Variants in NPR2 observed in about 807,000 individuals in gnomAD.
The protein encoded by NPR2 is atrial natriuretic peptide receptor 2.
Under a neutral mutation model 120.7 loss-of-function variants are expected in NPR2, and 49 were observed. The observed-to-expected ratio is 0.41, with a 90% CI of 0.32 to 0.52. The LOEUF is 0.52. NPR2 is among the 20% of genes least tolerant of loss of function. The probability of loss-of-function intolerance (pLI) is 0.36; values close to 1 mark genes in which losing one functional copy is unlikely to be tolerated. For synonymous variants in NPR2, 484 were observed against 519.8 expected (o/e 0.93, Z 0.94); for missense variants, 931 against 1,362.9 (o/e 0.68, Z 4.99).
In NPR2 at chr9:35,802,200, C is replaced by T. The variant is rs1385031008; in HGVS notation, c.1633-6C>T. On this transcript the variant is annotated splice_region_variant and splice_polypyrimidine_tract_variant and intron_variant, in intron 9 of 21. Transcript: ENST00000342694. This position sits in a 1 kb window ranked among gnomAD's most constrained non-coding sequence, Gnocchi z 4.2. The stretch of plus-strand genomic sequence containing the variant: ...CTTTCCTTTCCCCTTTCACTCCCAC[C>T]ATCAGGGAAATGTTGTCGCCATCAA... 1 of 1,587,070 alleles carries T rather than the reference C, an allele frequency of 6.3e-7. No individual in the cohort carries two copies. The highest frequency in any genetic ancestry group is 1.7e-5 in the Admixed American group (1 of 59,976).
chr9:35,802,928 C>G lies in NPR2; in HGVS notation c.1887+125C>G. 1.3e-6 allele frequency: 1 copy of G among 753,232 alleles called. No homozygotes were observed. Among genetic ancestry groups the G allele is most frequent in the Non-Finnish European group, 2.4e-6 (1 of 416,394 alleles). The allele number at this position is 753,232 out of a possible 1,614,324, so 46.7% of individuals were successfully genotyped here. ...TCTCATCTCCCCTTATTCCCATGGTCTGGTAATAATGGGTAAACAAGGAGT... is the reference window on the plus strand; with the variant it reads ...TCTCATCTCCCCTTATTCCCATGGTGTGGTAATAATGGGTAAACAAGGAGT... On this transcript the variant is annotated intron_variant, in intron 12 of 21. Transcript: ENST00000342694. This position sits in a 1 kb window ranked among gnomAD's most constrained non-coding sequence, Gnocchi z 4.2.
At chr9:35,793,207 C>G in intron 1 of NPR2, 132 bp downstream of exon 1, 2 of 983,164 alleles carry the variant, frequency 2.0e-6, no homozygotes, top group Non-Finnish European at 1.5e-6. Flanking sequence ...AAGAAGCACA[C>G]GTGGACAGAG....
Position 35,809,311 on chromosome 9 carries a change from A to G in NPR2, c.3078+64A>G. 1 of 1,610,326 alleles carries G rather than the reference A, an allele frequency of 6.2e-7. No individual in the cohort carries two copies. Among genetic ancestry groups the G allele is most frequent in the Admixed American group, 1.7e-5 (1 of 60,018 alleles). On this transcript the variant is annotated intron_variant, in intron 21 of 21. Transcript: ENST00000342694. This position sits in a 1 kb window ranked among gnomAD's most constrained non-coding sequence, Gnocchi z 4.1. Reference sequence around the variant, plus strand: ...GGGTGAAAGTGATTATGGGAATCATAGGGAAAGAGAGGGAGACAAAGGGAC... The same window carrying G: ...GGGTGAAAGTGATTATGGGAATCATGGGGAAAGAGAGGGAGACAAAGGGAC...
chr9:35,809,110 T>C lies in NPR2; in HGVS notation c.2987-46T>C, dbSNP rs1828601118. On this transcript the variant is annotated intron_variant, in intron 20 of 21. Coordinates refer to ENST00000342694, the MANE Select transcript of NPR2 (RefSeq NM_003995.4). This position sits in a 1 kb window ranked among gnomAD's most constrained non-coding sequence, Gnocchi z 4.1. ...TATCACCAATTATTTGATTGCCTTT[T>C]CTTTGATTCCTCATTCCACCATCCT... is the stretch of plus-strand genomic sequence containing the variant. 3 of 1,536,690 alleles carry C rather than the reference T, an allele frequency of 2.0e-6. No homozygotes were observed. The East Asian group carries it at 6.7e-5, about 35-fold the overall frequency.
rs1344938222 is a variant in NPR2, at chr9:35,801,696, A to G, written c.1490A>G (p.Glu497Gly). 3 of 1,614,046 alleles carry G rather than the reference A, an allele frequency of 1.9e-6. No individual in the cohort carries two copies. The highest frequency in any genetic ancestry group is 2.5e-6 in the Non-Finnish European group (3 of 1,179,998). ...AGCATGTTGTGGCGTATTCGCTGGG[A>G]AGAACTGCAGTTTGGCAACTCAGAG... ...LASMLWRIRWEELQFGNSERY... is the reference protein window; with the variant it reads ...LASMLWRIRWGELQFGNSERY... The change falls in exon 8 of 22, where the codon GAA becomes GGA. Residue 497 changes from glutamate to glycine, a missense_variant. By Grantham distance (98) the Glu-to-Gly change is moderately conservative. Transcript: ENST00000342694.
chr9:35,793,935 G>A lies in NPR2; in HGVS notation c.705G>A (p.Glu235=), dbSNP rs1256925211. 1 of 1,614,212 alleles carries A rather than the reference G, an allele frequency of 6.2e-7. No individual in the cohort carries two copies. The change falls in exon 2 of 22, where the codon GAG becomes GAA. Residue 235 remains glutamate (E), a synonymous_variant. Transcript: ENST00000342694. Reference sequence around the variant, plus strand: ...GCGGCCCTCTGGAGATGCTGCATGAGATCCTGCTTCAGGCCCAGAGGGAGA... The same window carrying A: ...GCGGCCCTCTGGAGATGCTGCATGAAATCCTGCTTCAGGCCCAGAGGGAGA... ...YICGPLEMLH[E]ILLQAQRENL... is the part of the protein sequence containing the mutation.
intron 2 of NPR2, among the ~76,000 whole-genome samples, chr9:35,795,380 C>T (rs938077245): frequency 6.6e-6 from 1 of 152,190 alleles, no homozygotes; most frequent in Non-Finnish European, 1.5e-5. Flanking sequence ...AAGTGTTTCC[C>T]GTGTATTTAT....
Position 35,806,282 on chromosome 9 carries a change from T to C in NPR2, c.2372+49T>C. 1 of 1,612,178 alleles carries C rather than the reference T, an allele frequency of 6.2e-7. No individual in the cohort carries two copies. The highest frequency in any genetic ancestry group is 8.5e-7 in the Non-Finnish European group (1 of 1,178,426). ...GGCTTCCCAGGGATAGAAGACTCATTAGTCCTAGTGCATGAAGTGGGGCAG... is the reference window on the plus strand; with the variant it reads ...GGCTTCCCAGGGATAGAAGACTCATCAGTCCTAGTGCATGAAGTGGGGCAG... On this transcript the variant is annotated intron_variant, in intron 15 of 21. Transcript: ENST00000342694. The surrounding 1 kb of genome is among the most constrained non-coding windows in gnomAD (Gnocchi z 4.6).
At position 35,802,775 on chromosome 9, in the gene NPR2, G is replaced by T; in HGVS notation, c.1859G>T (p.Arg620Leu). 1 of 1,612,410 alleles carries T rather than the reference G, an allele frequency of 6.2e-7. No individual in the cohort carries two copies. The highest frequency in any genetic ancestry group is 8.5e-7 in the Non-Finnish European group (1 of 1,178,452). Residue 620 changes from arginine to leucine, a missense_variant, in exon 12 of 22, where the codon CGT becomes CTT. Physicochemically the swap from Arg to Leu is moderately radical, Grantham distance 102. This residue lies in a region of NPR2 where 681 missense variants were observed against 974.3 expected (regional missense o/e 0.70). Transcript: ENST00000342694. The surrounding 1 kb of genome is among the most constrained non-coding windows in gnomAD (Gnocchi z 4.2). Reference sequence around the variant, plus strand: ...AGCATCAACTTGGACTGGATGTTTCGTTATTCACTCATTAATGACCTTGTT... The same window carrying T: ...AGCATCAACTTGGACTGGATGTTTCTTTATTCACTCATTAATGACCTTGTT... ...NDSINLDWMF[R>L]YSLINDLVKG...
intron 2 of NPR2, among the ~76,000 whole-genome samples, chr9:35,798,224 G>A (rs745748836): frequency 2.6e-5 from 4 of 152,190 alleles, no homozygotes; most frequent in Non-Finnish European, 5.9e-5. Flanking sequence ...TGTTGAACCT[G>A]ATCTTTTCTC....
At position 35,802,728 on chromosome 9, in the gene NPR2, C is replaced by T; in HGVS notation, c.1816-4C>T. On this transcript the variant is annotated splice_polypyrimidine_tract_variant and splice_region_variant and intron_variant, in intron 11 of 21. Coordinates refer to ENST00000342694, the MANE Select transcript of NPR2 (RefSeq NM_003995.4). This position sits in a 1 kb window ranked among gnomAD's most constrained non-coding sequence, Gnocchi z 4.2. ...CAGACAGTCTATTCCATGTCACTTA[C>T]CAGGATATTCTAGAAAATGACAGCA... is the stretch of plus-strand genomic sequence containing the variant. The T allele has an allele frequency of 1.2e-6, 2 of 1,606,700 alleles. No homozygotes were observed. The highest frequency in any genetic ancestry group is 1.7e-6 in the Non-Finnish European group (2 of 1,173,258).
intron 2 of NPR2, among the ~76,000 whole-genome samples, chr9:35,795,920 C>T (rs1362334612): frequency 2.0e-5 from 3 of 152,192 alleles, no homozygotes; most frequent in Non-Finnish European, 4.4e-5. Context: ...CATGTCCAGT[C>T]ACTGTGCTAG....
At chr9:35,795,381 G>A (rs147041060) in intron 2 of NPR2, among the ~76,000 whole-genome samples, 10 of 152,190 alleles carry the variant, frequency 6.6e-5, no homozygotes, top group South Asian at 2.1e-4. Flanking sequence ...AGTGTTTCCC[G>A]TGTATTTATC....
chr9:35,808,245 T>C lies in NPR2; in HGVS notation c.2713-264T>C. On this transcript the variant is annotated intron_variant, in intron 18 of 21. Coordinates refer to ENST00000342694, the MANE Select transcript of NPR2 (RefSeq NM_003995.4). The surrounding 1 kb of genome is among the most constrained non-coding windows in gnomAD (Gnocchi z 4.0). ...CCTGATGGCAGAGCCTATTTGTCCA[T>C]GTCCTGCTGCAGACAGGGTGTTCAT... is the stretch of plus-strand genomic sequence containing the variant. 5.0e-6 allele frequency: 8 copies of C among 1,614,226 alleles called. No individual in the cohort carries two copies. The highest frequency in any genetic ancestry group is 1.1e-5 in the South Asian group (1 of 91,082).
Position 35,801,115 on chromosome 9 carries a change from C to T in NPR2, c.1397C>T (p.Thr466Ile), listed in dbSNP as rs747747234. ...ATTGTGGCTCTGGGCACAGGAATCA[C>T]CTTCATCATGTTTGGTGTTTCCAGC... ...LAIVALGTGI[T>I]FIMFGVSSFL... The change falls in exon 7 of 22, where the codon ACC (threonine) becomes ATC (isoleucine). Residue 466 changes from threonine (T) to isoleucine (I), a missense_variant. By Grantham distance (89) the Thr-to-Ile change is moderately conservative. This residue lies in a region of NPR2 where 681 missense variants were observed against 974.3 expected (regional missense o/e 0.70). Coordinates refer to ENST00000342694, the MANE Select transcript of NPR2 (RefSeq NM_003995.4). The T allele has an allele frequency of 6.2e-7, 1 of 1,613,968 alleles. No individual in the cohort carries two copies. Among genetic ancestry groups the T allele is most frequent in the East Asian group, 2.2e-5 (1 of 44,892 alleles).
At chr9:35,794,146 C>A in intron 2 of NPR2, 43 bp downstream of exon 2, 1 of 1,569,550 alleles carries the variant, frequency 6.4e-7, no homozygotes. Context: ...GGAAGAGGTG[C>A]TTCGCTGGAA....
chr9:35,802,441 T>C lies in NPR2; in HGVS notation c.1711-62T>C, dbSNP rs1828206348. On this transcript the variant is annotated intron_variant, in intron 10 of 21. Coordinates refer to ENST00000342694, the MANE Select transcript of NPR2 (RefSeq NM_003995.4). The surrounding 1 kb of genome is among the most constrained non-coding windows in gnomAD (Gnocchi z 4.2). The stretch of plus-strand genomic sequence containing the variant: ...AAGGTCCTCTTATGTAGTGGTAAGT[T>C]TCTGTATCTAATTTTTAACTCTTTC... 2.9e-6 allele frequency: 3 copies of C among 1,048,494 alleles called. No individual in the cohort carries two copies. The highest frequency in any genetic ancestry group is 4.5e-6 in the Non-Finnish European group (3 of 663,952). 64.9% of individuals were successfully genotyped at this position (1,048,494 alleles called of 1,614,324 possible). A position where few individuals can be genotyped will look rare whatever the true frequency, so the allele number is the denominator to read the frequency against.
chr9:35,806,160 C>A lies in NPR2; in HGVS notation c.2299C>A (p.Arg767=), dbSNP rs753472316. ...LNEELVLLME[R]CWAQDPAERP... is the part of the protein sequence containing the mutation. ...TGAAGAGCTAGTTTTGCTGATGGAG[C>A]GATGTTGGGCTCAGGACCCAGCTGA... The change falls in exon 15 of 22, where the codon CGA becomes AGA. Residue 767 remains arginine (R), a synonymous_variant. Coordinates refer to ENST00000342694, the MANE Select transcript of NPR2 (RefSeq NM_003995.4). This position sits in a 1 kb window ranked among gnomAD's most constrained non-coding sequence, Gnocchi z 4.6. The A allele has an allele frequency of 1.9e-6, 3 of 1,614,188 alleles. No homozygotes were observed. The highest frequency in any genetic ancestry group is 1.7e-6 in the Non-Finnish European group (2 of 1,180,040).
rs556064802 is a variant in NPR2, at chr9:35,809,462, A to G, written c.*17A>G. On this transcript the variant is annotated 3_prime_UTR_variant, in exon 22 of 22. Transcript: ENST00000342694. The surrounding 1 kb of genome is among the most constrained non-coding windows in gnomAD (Gnocchi z 4.1). ...CTCCTGTAAACCCCCATTCTTTCCA[A>G]GTCAGATAGTCTTCTGCTGCTGGTA... The G allele has an allele frequency of 6.8e-6, 11 of 1,614,190 alleles. No individual in the cohort carries two copies. In the South Asian group the frequency reaches 9.9e-5, roughly 15 times the overall value.
Sources: gnomAD v4.1 joint callset for allele counts (sites outside exome capture counted in the v4.1 genomes callset) on GRCh38, gnomAD v4.1.1 for gene constraint, gnomAD v4.1.1 regional missense constraint, Gnocchi (gnomAD v3.1) non-coding constraint, MANE v1.5 for transcripts, NCBI Gene and HGNC (gene_info 2026-07-23, HGNC 2026-07-21) for gene names.